The following PRKDC variants were observed in gnomAD, a reference collection of about 807,000 sequenced individuals.
PRKDC encodes the protein protein kinase, DNA-activated, catalytic subunit, also known as DNA-dependent protein kinase catalytic subunit.
PRKDC carries 82 observed loss-of-function variants against 486.9 expected under a neutral mutation model. The ratio of observed to expected loss-of-function variants is 0.17; its 90% CI spans 0.14 to 0.20. The LOEUF (loss-of-function observed/expected upper bound fraction) is 0.20, where lower values mean the gene tolerates loss of function less well. PRKDC is among the 10% of genes least tolerant of loss of function. The pLI is 1.00. For missense variants in PRKDC, 4,504 were observed against 5,038.2 expected, an observed-to-expected ratio of 0.89 and a Z score of 3.21; for synonymous variants, 1,895 against 1,837.0, an observed-to-expected ratio of 1.03 and a Z score of -0.81.
chr8:47,807,272 A>G lies in PRKDC; in HGVS notation c.9612T>C (p.Asn3204=), dbSNP rs1358604121. 3.7e-6 allele frequency: 6 copies of G among 1,610,504 alleles called. No individual in the cohort carries two copies. In the South Asian group the frequency reaches 6.6e-5, roughly 18 times the overall value. ...EEKLTPLPED[N]SMNVDQDGDP... is the part of the protein sequence containing the mutation. ...CTCCATCTTGATCCACATTCATACT[A>G]TTATCTTCTGGAAGAGGGGTAAGCT... is the stretch of plus-strand genomic sequence containing the variant. Residue 3204 remains asparagine (N), a synonymous_variant, in exon 69 of 86, where the codon AAT becomes AAC. Transcript: ENST00000314191.
chr8:47,837,183 CACT>C, intron 57 of PRKDC, 26 bp downstream of exon 57: 1 of 1,574,948 alleles, frequency 6.3e-7, no homozygotes, highest in Non-Finnish European at 8.7e-7. Context: ...CTATAATATT[CACT>C]ACTATGAGAG....
At position 47,884,050 on chromosome 8, in the gene PRKDC, T is replaced by C. The variant is rs967220401; in HGVS notation, c.4776+1894A>G. 2.0e-4 allele frequency among the ~76,000 whole-genome samples: 30 copies of C among 152,386 alleles called. 1 individual carries two copies. The highest frequency in any genetic ancestry group is 1.8e-3 in the Admixed American group (27 of 15,310). On this transcript the variant is annotated intron_variant, in intron 36 of 85. Coordinates refer to ENST00000314191, the MANE Select transcript of PRKDC (RefSeq NM_006904.7). ...AGGGCAGATGCTGAACTGAAAGTATTCAGAGGGAAAGGGCAGACAGCCTGA... is the reference window on the plus strand; with the variant it reads ...AGGGCAGATGCTGAACTGAAAGTATCCAGAGGGAAAGGGCAGACAGCCTGA...
chr8:47,850,640 C>T (rs1290623411), intron 52 of PRKDC, among the ~76,000 whole-genome samples: 2 of 152,130 alleles, frequency 1.3e-5, no homozygotes, highest in Non-Finnish European at 2.9e-5. Flanking sequence ...AATCAGATGT[C>T]TTTTTATTAA....
intron 65 of PRKDC, 60 bp downstream of exon 65, chr8:47,821,544 T>C (rs1477328016): frequency 6.7e-7 from 1 of 1,492,092 alleles, no homozygotes; most frequent in African/African-American, 1.4e-5. Flanking sequence ...AACAATTTTG[T>C]TAAGTAGAAA....
chr8:47,842,883 G>A (rs1402563624), intron 54 of PRKDC, among the ~76,000 whole-genome samples: 1 of 152,192 alleles, frequency 6.6e-6, no homozygotes, highest in Admixed American at 6.6e-5. Flanking sequence ...GAATGAACAA[G>A]CCAGGCGTGG....
rs993365841 is a variant in PRKDC at position 47,823,780 on chromosome 8, G to A, written c.8922+78C>T. The A allele has an allele frequency of 3.0e-5, 46 of 1,521,814 alleles. No homozygotes were observed. In the Admixed American group the frequency reaches 6.2e-4, roughly 21 times the overall value. 94.3% of individuals were successfully genotyped at this position (1,521,814 alleles called of 1,614,324 possible). ...AACCAACAAGGATCTGCTGTACCTC[G>A]TTTTGCTTAAAGTCATAGTTCAGCA... On this transcript the variant is annotated intron_variant, in intron 64 of 85. Coordinates refer to ENST00000314191, the MANE Select transcript of PRKDC (RefSeq NM_006904.7).
In PRKDC at chr8:47,810,635, G is replaced by A. The variant is rs148628816; in HGVS notation, c.9558-3309C>T. Among the ~76,000 whole-genome samples, 450 of 152,244 alleles carry A rather than the reference G, an allele frequency of 3.0e-3. 3 individuals carry two copies. Among genetic ancestry groups the A allele is most frequent in the African/African-American group, 0.01 (428 of 41,536 alleles). ...CCATATGCTGGAATGATCATACAAG[G>A]ACCTTAAAGCAGCTATGTTAACTAT... On this transcript the variant is annotated intron_variant, in intron 68 of 85. Coordinates refer to ENST00000314191, the MANE Select transcript of PRKDC (RefSeq NM_006904.7).
intron 49 of PRKDC, among the ~76,000 whole-genome samples, chr8:47,855,703 G>A (rs1302113194): frequency 1.3e-5 from 2 of 152,176 alleles, no homozygotes; most frequent in African/African-American, 4.8e-5. Flanking sequence ...GCAGGGCAGG[G>A]GAGCAGCATG....
At chr8:47,799,963 G>A (rs1488707888) in intron 71 of PRKDC, among the ~76,000 whole-genome samples, 1 of 151,974 alleles carries the variant, frequency 6.6e-6, no homozygotes, top group African/African-American at 2.4e-5. Context: ...ATAAAAGAAC[G>A]GTCTACAGTT....
rs1276948910 is a variant in PRKDC at position 47,875,835 on chromosome 8, T to C, written c.5363+1889A>G. 2.6e-5 allele frequency among the ~76,000 whole-genome samples: 4 copies of C among 152,352 alleles called. No individual in the cohort carries two copies. The South Asian group carries it at 6.2e-4, about 24-fold the overall frequency. ...TTTTTATGGTCTAGTATATAGTCTGTCCTAAAGAATGCTGCAGGTATGCTC... is the reference window on the plus strand; with the variant it reads ...TTTTTATGGTCTAGTATATAGTCTGCCCTAAAGAATGCTGCAGGTATGCTC... On this transcript the variant is annotated intron_variant, in intron 40 of 85. Coordinates refer to ENST00000314191, the MANE Select transcript of PRKDC (RefSeq NM_006904.7).
At chr8:47,878,521 T>G (rs2154501354) in intron 39 of PRKDC, among the ~76,000 whole-genome samples, 1 of 152,276 alleles carries the variant, frequency 6.6e-6, no homozygotes, top group Non-Finnish European at 1.5e-5. Flanking sequence ...ACTCTCGCCC[T>G]TACTCTGATT....
rs1430043181 is a variant in PRKDC at position 47,776,819 on chromosome 8, T to A, written c.12182+25A>T. ...CAGTAGCATGTCGGTAGTCCGTTAG[T>A]TTTTTCCACATATAAAAATCTTACC... On this transcript the variant is annotated intron_variant, in intron 85 of 85. Transcript: ENST00000314191. The A allele has an allele frequency of 6.2e-6, 10 of 1,612,952 alleles. No homozygotes were observed. In the African/African-American group the frequency reaches 1.2e-4, roughly 19 times the overall value.
In PRKDC at chr8:47,834,207, T is replaced by TGAAAGG; in HGVS notation, c.8140_8141insCCTTTC (p.Asn2714delinsThrPheHis). The TGAAAGG allele has an allele frequency of 6.2e-7, 1 of 1,614,066 alleles. No homozygotes were observed. The highest frequency in any genetic ancestry group is 8.5e-7 in the Non-Finnish European group (1 of 1,179,904). On this transcript the variant is annotated protein_altering_variant, in exon 59 of 86. Coordinates refer to ENST00000314191, the MANE Select transcript of PRKDC (RefSeq NM_006904.7). ...GCAACCCAGCTTACCTTTCACTTTG[T>TGAAAGG]TATCCACCTCGTCCCCTGGAAGGCC...
chr8:47,786,484 G>C (rs919624538), intron 76 of PRKDC, among the ~76,000 whole-genome samples: 1 of 152,068 alleles, frequency 6.6e-6, no homozygotes, highest in Non-Finnish European at 1.5e-5. Flanking sequence ...TAAAAACTTG[G>C]CGAAGTCATT....
At chr8:47,947,659 G>A (rs753559742) in intron 7 of PRKDC, among the ~76,000 whole-genome samples, 12 of 152,208 alleles carry the variant, frequency 7.9e-5, no homozygotes, top group Admixed American at 3.3e-4. Flanking sequence ...CTGTAATCCC[G>A]GCACTTTGGA....
At chr8:47,847,885 A>G (rs2088307254) in intron 54 of PRKDC, among the ~76,000 whole-genome samples, 1 of 151,194 alleles carries the variant, frequency 6.6e-6, no homozygotes, top group African/African-American at 2.4e-5. Flanking sequence ...ATATATATAT[A>G]TATATATATA....
At chr8:47,862,205 T>TA in intron 43 of PRKDC, 78 bp from the exon 44 acceptor site, 1 of 1,413,314 alleles carries the variant, frequency 7.1e-7, no homozygotes, top group African/African-American at 1.4e-5. Context: ...GAATTAATGC[T>TA]ATGTAATAGC....
At chr8:47,776,794 CAGT>C (rs1424943122) in intron 85 of PRKDC, 47 bp downstream of exon 85, 1 of 1,603,954 alleles carries the variant, frequency 6.2e-7, no homozygotes, top group South Asian at 1.1e-5. Flanking sequence ...CCTCGAGAAA[CAGT>C]AGCATGTCGG....
At chr8:47,932,559 G>A (rs531311118) in intron 16 of PRKDC, among the ~76,000 whole-genome samples, 18 of 152,126 alleles carry the variant, frequency 1.2e-4, no homozygotes, top group African/African-American at 4.3e-4. Flanking sequence ...AAAATTGGGT[G>A]TGAAAAAAAG....
Sources: gnomAD v4.1 joint callset for allele counts (sites outside exome capture counted in the v4.1 genomes callset) on GRCh38, gnomAD v4.1.1 for gene constraint, MANE v1.5 for transcripts, NCBI Gene and HGNC (gene_info 2026-07-23, HGNC 2026-07-21) for gene names.